RAB5A: variants seen among roughly 807,000 people sequenced by gnomAD.
RAB5A encodes ras-related protein Rab-5A.
Under a neutral mutation model 25.7 loss-of-function variants are expected in RAB5A, and 8 were observed. The observed-to-expected ratio is 0.31, with a 90% CI of 0.18 to 0.56. RAB5A has a LOEUF of 0.56. Ranked by LOEUF, RAB5A falls within the 20% of genes least tolerant of loss-of-function variation. The pLI, the probability that RAB5A is intolerant of heterozygous loss-of-function variation, is 0.91. For missense variants in RAB5A, 192 were observed against 259.7 expected, an observed-to-expected ratio of 0.74 and a Z score of 1.79; for synonymous variants, 98 against 89.8, an observed-to-expected ratio of 1.09 and a Z score of -0.52.
intron 2 of RAB5A, among the ~76,000 whole-genome samples, chr3:19,954,119 G>A (rs13098043): frequency 0.55 from 83,123 of 151,832 alleles, 23,148 homozygotes; most frequent in Non-Finnish European, 0.58. Flanking sequence ...GGTTCAGGCA[G>A]TTCTCCTGCC....
intron 2 of RAB5A, among the ~76,000 whole-genome samples, chr3:19,954,396 A>G (rs905508231): frequency 6.6e-6 from 1 of 152,176 alleles, no homozygotes; most frequent in South Asian, 2.1e-4. Flanking sequence ...TTTAATCTCT[A>G]TTTGATTGTG....
intron 5 of RAB5A, among the ~76,000 whole-genome samples, chr3:19,981,469 C>A (rs952472804): frequency 6.6e-6 from 1 of 152,110 alleles, no homozygotes; most frequent in South Asian, 2.1e-4. Flanking sequence ...GAAAAATTAG[C>A]TGGGTGTGGT....
chr3:19,984,367 C>T lies in RAB5A; in HGVS notation c.*544C>T. The T allele has an allele frequency of 5.5e-6, 2 of 360,512 alleles. No individual in the cohort carries two copies. The highest frequency in any genetic ancestry group is 1.8e-4 in the East Asian group (2 of 10,956). The allele number at this position is 360,512 out of a possible 1,614,324, so 22.3% of individuals were successfully genotyped here. A position where few individuals can be genotyped will look rare whatever the true frequency, so the allele number is the denominator to read the frequency against. The stretch of plus-strand genomic sequence containing the variant: ...GAAAATAATCCCACATATACAAGGT[C>T]AGGGGTGGGGAAGAGTATTAATGGT... On this transcript the variant is annotated 3_prime_UTR_variant, in exon 6 of 6. Coordinates refer to ENST00000273047, the MANE Select transcript of RAB5A (RefSeq NM_004162.5).
In RAB5A at chr3:19,950,890, A is replaced by G. The variant is rs770930318; in HGVS notation, c.-9A>G. 2 of 1,600,722 alleles carry G rather than the reference A, an allele frequency of 1.2e-6. No individual in the cohort carries two copies. Among genetic ancestry groups the G allele is most frequent in the East Asian group, 4.5e-5 (2 of 44,794 alleles). ...AGTCTGAAATTAGGGACTTATTTCA[A>G]ATTTGGACATGGCTAGTCGAGGCGC... On this transcript the variant is annotated 5_prime_UTR_variant, in exon 2 of 6. Transcript: ENST00000273047.
chr3:19,958,596 C>T (rs1410358479), intron 2 of RAB5A, among the ~76,000 whole-genome samples: 1 of 152,194 alleles, frequency 6.6e-6, no homozygotes, highest in Non-Finnish European at 1.5e-5. Flanking sequence ...GTAATCCCAA[C>T]ACTTTGGAAG....
intron 5 of RAB5A, among the ~76,000 whole-genome samples, chr3:19,982,846 T>C (rs530979845): frequency 2.6e-5 from 4 of 152,132 alleles, no homozygotes; most frequent in African/African-American, 4.8e-5. Context: ...GTAGATATGA[T>C]CTATCACAAT....
intron 2 of RAB5A, among the ~76,000 whole-genome samples, chr3:19,971,711 G>T (rs750368016): frequency 3.3e-5 from 5 of 152,114 alleles, no homozygotes; most frequent in Non-Finnish European, 5.9e-5. Flanking sequence ...CTGACCTCAG[G>T]TGATCCACCT....
chr3:19,975,183 G>A (rs192673615), intron 2 of RAB5A, among the ~76,000 whole-genome samples: 31 of 148,596 alleles, frequency 2.1e-4, no homozygotes, highest in African/African-American at 6.8e-4. Context: ...CTGAGATCAC[G>A]CCCCTGCACT....
At chr3:19,962,496 G>A (rs1003319381) in intron 2 of RAB5A, among the ~76,000 whole-genome samples, 2 of 152,106 alleles carry the variant, frequency 1.3e-5, no homozygotes, top group African/African-American at 4.8e-5. Context: ...TTGAACCTGG[G>A]AGGTGGAGGT....
At chr3:19,959,434 A>G (rs1002842594) in intron 2 of RAB5A, among the ~76,000 whole-genome samples, 7 of 148,350 alleles carry the variant, frequency 4.7e-5, no homozygotes, top group Non-Finnish European at 1.1e-4. Context: ...TCTTCTTGTT[A>G]TGTACTAATT....
chr3:19,954,767 G>A (rs529349213), intron 2 of RAB5A, among the ~76,000 whole-genome samples: 3 of 152,204 alleles, frequency 2.0e-5, no homozygotes, highest in East Asian at 1.9e-4. Flanking sequence ...ACAGTGAGCC[G>A]AGACTGCACC....
At chr3:19,969,047 T>A (rs1323029563) in intron 2 of RAB5A, among the ~76,000 whole-genome samples, 1 of 135,258 alleles carries the variant, frequency 7.4e-6, no homozygotes, top group African/African-American at 3.0e-5. Context: ...TTTTTTTGGT[T>A]TTTTTTTTTT....
At chr3:19,979,500 T>G (rs1696882065) in intron 5 of RAB5A, among the ~76,000 whole-genome samples, 1 of 151,566 alleles carries the variant, frequency 6.6e-6, no homozygotes, top group Non-Finnish European at 1.5e-5. Context: ...TTAGCCAGGA[T>G]GGTCTCAATC....
At chr3:19,969,425 CT>C (rs1696712593) in intron 2 of RAB5A, among the ~76,000 whole-genome samples, 2 of 152,108 alleles carry the variant, frequency 1.3e-5, no homozygotes, top group Non-Finnish European at 2.9e-5. Flanking sequence ...TACTGGTCTC[CT>C]TTTCTGTTCT....
intron 2 of RAB5A, among the ~76,000 whole-genome samples, chr3:19,954,588 T>A (rs1237650514): frequency 6.6e-6 from 1 of 152,072 alleles, no homozygotes. Flanking sequence ...GAAGCTGAGG[T>A]GGGCAGATCG....
At chr3:19,970,862 C>A in intron 2 of RAB5A, 1 of 305,564 alleles carries the variant, frequency 3.3e-6, no homozygotes. Flanking sequence ...ACCTAAATGT[C>A]AGTTACACTT....
At chr3:19,948,734 A>G (rs1211841837) in intron 1 of RAB5A, among the ~76,000 whole-genome samples, 1 of 150,834 alleles carries the variant, frequency 6.6e-6, no homozygotes, top group Non-Finnish European at 1.5e-5. Context: ...TGAAATCAGA[A>G]TCTTGTTTGA....
intron 2 of RAB5A, among the ~76,000 whole-genome samples, chr3:19,962,207 G>C (rs1696595983): frequency 6.6e-6 from 1 of 152,102 alleles, no homozygotes; most frequent in Admixed American, 6.6e-5. Context: ...CAGATTCAAG[G>C]GAAGAGTGTC....
chr3:19,984,160 A>G lies in RAB5A; in HGVS notation c.*337A>G, dbSNP rs766421613. The G allele has an allele frequency of 4.5e-5, 17 of 381,930 alleles. No homozygotes were observed. The highest frequency in any genetic ancestry group is 1.0e-4 in the African/African-American group (3 of 30,060). 23.7% of individuals were successfully genotyped at this position (381,930 alleles called of 1,614,324 possible). On this transcript the variant is annotated 3_prime_UTR_variant, in exon 6 of 6. Transcript: ENST00000273047. ...CCAGCCCATTTCTCCACACTGGTACAGTAGTCACCTGTGAAAAAAAAATTG... is the reference window on the plus strand; with the variant it reads ...CCAGCCCATTTCTCCACACTGGTACGGTAGTCACCTGTGAAAAAAAAATTG...
Sources: allele counts gnomAD v4.1 joint callset (sites outside exome capture counted in the v4.1 genomes callset), GRCh38; gene constraint gnomAD v4.1.1; transcripts MANE v1.5; gene names NCBI Gene and HGNC (gene_info 2026-07-23, HGNC 2026-07-21).